Variants in DNM3 observed in about 807,000 individuals in gnomAD.
DNM3 encodes the protein dynamin 3.
A neutral mutation model predicts 101.6 loss-of-function variants in DNM3; 47 were observed. The observed-to-expected ratio is 0.46, with a 90% confidence interval of 0.37 to 0.59. The LOEUF is 0.59. DNM3 is among the 20% of genes least tolerant of loss of function. The probability of loss-of-function intolerance (pLI) is 0.00; values close to 1 mark genes in which losing one functional copy is unlikely to be tolerated. For missense variants in DNM3, 849 were observed against 1,085.7 expected (o/e 0.78, Z 3.06); for synonymous variants, 385 against 387.9 (o/e 0.99, Z 0.09).
At chr1:172,039,254 A>T (rs1416403610) in intron 7 of DNM3, among the ~76,000 whole-genome samples, 1 of 151,984 alleles carries the variant, frequency 6.6e-6, no homozygotes, top group Admixed American at 6.6e-5. Context: ...CCCAAGGTCT[A>T]CCTCCGAAGA....
chr1:171,892,161 TTG>T (rs140183586), intron 1 of DNM3, among the ~76,000 whole-genome samples: 25,088 of 151,974 alleles, frequency 0.17, 2,370 homozygotes, highest in East Asian at 0.48. Context: ...AGTCTCGTAA[TTG>T]TGTGTGTGTG....
intron 17 of DNM3, among the ~76,000 whole-genome samples, chr1:172,330,326 G>GAT (rs1194533468): frequency 5.3e-5 from 8 of 151,776 alleles, no homozygotes; most frequent in African/African-American, 1.9e-4. Flanking sequence ...AAAATATAAA[G>GAT]ATATATATAT....
chr1:171,989,057 G>C lies in DNM3; in HGVS notation c.498G>C (p.Arg166Ser). The change falls in exon 4 of 21, where the codon AGG becomes AGC. Residue 166 changes from arginine to serine, a missense_variant. Arg to Ser is a moderately radical substitution (Grantham distance 110). Coordinates refer to ENST00000627582, the MANE Select transcript of DNM3 (RefSeq NM_015569.5). ...AAATGATTATGCAGTTCATCACGAG[G>C]GAGAACTGTCTGATTTTAGCTGTTA... ...IREMIMQFIT[R>S]ENCLILAVTP... is the part of the protein sequence containing the mutation. 6.2e-7 allele frequency: 1 copy of C among 1,612,902 alleles called. No homozygotes were observed. Among genetic ancestry groups the C allele is most frequent in the Non-Finnish European group, 8.5e-7 (1 of 1,179,424 alleles).
intron 1 of DNM3, among the ~76,000 whole-genome samples, chr1:171,843,816 T>C (rs4916400): frequency 0.75 from 113,734 of 152,154 alleles, 43,201 homozygotes; most frequent in African/African-American, 0.9. Context: ...AATATTTAAG[T>C]TTGAATATTT....
chr1:171,951,988 A>T (rs1175886600), intron 2 of DNM3, among the ~76,000 whole-genome samples: 1 of 152,228 alleles, frequency 6.6e-6, no homozygotes, highest in Non-Finnish European at 1.5e-5. Flanking sequence ...AGGTAGATTC[A>T]AAGATTTTGT....
intron 13 of DNM3, among the ~76,000 whole-genome samples, chr1:172,110,790 C>A (rs895207562): frequency 6.6e-6 from 1 of 152,218 alleles, no homozygotes; most frequent in South Asian, 2.1e-4. Flanking sequence ...AATCCTAGCA[C>A]TTTGAAAGGG....
At chr1:172,205,083 G>A (rs1056799364) in intron 14 of DNM3, among the ~76,000 whole-genome samples, 1 of 152,132 alleles carries the variant, frequency 6.6e-6, no homozygotes, top group Admixed American at 6.6e-5. Flanking sequence ...CTGTATAAAC[G>A]TGCATGTGTT....
chr1:172,274,233 T>A (rs934585558), intron 15 of DNM3, among the ~76,000 whole-genome samples: 1 of 152,064 alleles, frequency 6.6e-6, no homozygotes, highest in African/African-American at 2.4e-5. Context: ...ATTTGTTTAC[T>A]CCCTTTAACT....
chr1:172,190,259 G>T (rs511520), intron 14 of DNM3, among the ~76,000 whole-genome samples: 1 of 151,650 alleles, frequency 6.6e-6, no homozygotes, highest in Non-Finnish European at 1.5e-5. Flanking sequence ...GAGAACATGC[G>T]GTGTTTGGTT....
chr1:172,160,441 TA>T (rs1370606912), intron 14 of DNM3, among the ~76,000 whole-genome samples: 1 of 152,098 alleles, frequency 6.6e-6, no homozygotes, highest in Non-Finnish European at 1.5e-5. Flanking sequence ...TTTTATTTTT[TA>T]CTTTTTAAAT....
intron 10 of DNM3, among the ~76,000 whole-genome samples, chr1:172,058,518 A>G (rs2050847850): frequency 6.6e-6 from 1 of 152,078 alleles, no homozygotes; most frequent in Non-Finnish European, 1.5e-5. Flanking sequence ...GTGCAATCAA[A>G]TTAGAACTCA....
At chr1:172,243,607 G>A (rs1315120669) in intron 14 of DNM3, among the ~76,000 whole-genome samples, 3 of 152,170 alleles carry the variant, frequency 2.0e-5, no homozygotes, top group Non-Finnish European at 4.4e-5. Context: ...GTACGAGGGT[G>A]CAGCCATGAA....
chr1:171,870,680 A>G (rs2035188482), intron 1 of DNM3, among the ~76,000 whole-genome samples: 2 of 152,204 alleles, frequency 1.3e-5, no homozygotes, highest in South Asian at 2.1e-4. Context: ...CTTGAGCTCA[A>G]AATTATATTC....
rs1407070265 is a variant in DNM3, at chr1:172,131,274, T to C, written c.1645T>C (p.Tyr549His). 2.5e-6 allele frequency: 4 copies of C among 1,613,144 alleles called. No homozygotes were observed. Among genetic ancestry groups the C allele is most frequent in the Non-Finnish European group, 2.5e-6 (3 of 1,179,414 alleles). The change falls in exon 14 of 21, where the codon TAT becomes CAT. Residue 549 changes from tyrosine (Y) to histidine (H), a missense_variant. Physicochemically the swap from Tyr to His is moderately conservative, Grantham distance 83. This residue lies in a region of DNM3 where 193 missense variants were observed against 238.4 expected (regional missense o/e 0.81). Coordinates refer to ENST00000627582, the MANE Select transcript of DNM3 (RefSeq NM_015569.5). ...FVLTAESLSW[Y>H]KDDEEKEKKY... ...CCTTACTGCGGAAAGCTTGTCCTGG[T>C]ATAAAGATGATGAGGTAAGTCACAG...
At chr1:172,382,450 G>T (rs2068962049) in intron 18 of DNM3, among the ~76,000 whole-genome samples, 1 of 152,094 alleles carries the variant, frequency 6.6e-6, no homozygotes, top group South Asian at 2.1e-4. Context: ...ACCACATGTT[G>T]GATACCCATT....
chr1:171,904,866 A>T (rs1299933713), intron 1 of DNM3, among the ~76,000 whole-genome samples: 5 of 152,152 alleles, frequency 3.3e-5, no homozygotes, highest in African/African-American at 7.2e-5. Flanking sequence ...CTGCCAGTGG[A>T]AAGAAGTTAC....
chr1:172,039,650 T>A (rs561963115), intron 7 of DNM3, among the ~76,000 whole-genome samples: 1 of 152,228 alleles, frequency 6.6e-6, no homozygotes, highest in Admixed American at 6.5e-5. Context: ...GTGACTTTAT[T>A]GGACTCAGAT....
intron 1 of DNM3, among the ~76,000 whole-genome samples, chr1:171,851,528 C>T (rs186376339): frequency 5.3e-5 from 8 of 152,236 alleles, no homozygotes; most frequent in Non-Finnish European, 1.2e-4. Context: ...ATTCTCATGC[C>T]TCAGCCACCT....
In DNM3 at chr1:172,412,346, A is replaced by G. The variant is rs890191265; in HGVS notation, c.*4505A>G. On this transcript the variant is annotated 3_prime_UTR_variant, in exon 21 of 21. Coordinates refer to ENST00000627582, the MANE Select transcript of DNM3 (RefSeq NM_015569.5). ...AGTTTGTTAAAAATTATTCCCCCCA[A>G]CCAGTAATTCCACCAGTACTACTTG... 2 of 985,568 alleles carry G rather than the reference A, an allele frequency of 2.0e-6. No individual in the cohort carries two copies. The highest frequency in any genetic ancestry group is 3.5e-5 in the African/African-American group (2 of 57,316). 61.1% of individuals were successfully genotyped at this position (985,568 alleles called of 1,614,324 possible).
Sources: gnomAD v4.1 joint callset for allele counts (sites outside exome capture counted in the v4.1 genomes callset) on GRCh38, gnomAD v4.1.1 for gene constraint, gnomAD v4.1.1 regional missense constraint, MANE v1.5 for transcripts, NCBI Gene and HGNC (gene_info 2026-07-23, HGNC 2026-07-21) for gene names.